The following FLG variants were observed in gnomAD, a reference collection of about 807,000 sequenced individuals.
The protein encoded by FLG is epidermal filaggrin.
A neutral mutation model predicts 3.8 loss-of-function variants in FLG; 6 were observed. The ratio of observed to expected loss-of-function variants is 1.60; its 90% CI spans 0.87 to 3.15. The LOEUF (loss-of-function observed/expected upper bound fraction) is 3.15, where lower values mean the gene tolerates loss of function less well. Among genes scored for constraint, FLG ranks in the 30% most tolerant of loss-of-function variants. The pLI is 0.00. For synonymous variants in FLG, 2,551 were observed against 1,931.6 expected, an observed-to-expected ratio of 1.32 and a Z score of -8.41; for missense variants, 7,595 against 5,050.9, an observed-to-expected ratio of 1.50 and a Z score of -15.27.
intron 1 of FLG, among the ~76,000 whole-genome samples, chr1:152,317,713 C>T (rs1652833578): frequency 6.6e-6 from 1 of 152,000 alleles, no homozygotes; most frequent in Admixed American, 6.6e-5. Context: ...CAAGTTTATA[C>T]CCCCAGTCAC....
At position 152,314,419 on chromosome 1, in the gene FLG, G is replaced by C. The variant is rs1381784852; in HGVS notation, c.467C>G (p.Ser156Cys). 6.8e-6 allele frequency: 11 copies of C among 1,611,938 alleles called. No homozygotes were observed. Among genetic ancestry groups the C allele is most frequent in the Non-Finnish European group, 9.3e-6 (11 of 1,179,592 alleles). ...ETGGKRHESS[S>C]EKKERKGYSP... is the part of the protein sequence containing the mutation. ...ATATCCTTTTCTTTCTTTTTTTTCA[G>C]AACTAGATTCATGCCTTTTCCCCCC... The change falls in exon 3 of 3, where the codon TCT becomes TGT. Residue 156 changes from serine to cysteine, a missense_variant. Physicochemically the swap from Ser to Cys is moderately radical, Grantham distance 112. Transcript: ENST00000368799.
rs543581931 is a variant in FLG, at chr1:152,308,959, T to A, written c.5927A>T (p.Gln1976Leu). 6.2e-7 allele frequency: 1 copy of A among 1,614,204 alleles called. No individual in the cohort carries two copies. Among genetic ancestry groups the A allele is most frequent in the Admixed American group, 1.7e-5 (1 of 60,024 alleles). The change falls in exon 3 of 3, where the codon CAA becomes CTA. Residue 1976 changes from glutamine to leucine, a missense_variant. Physicochemically the swap from Gln to Leu is moderately radical, Grantham distance 113. Coordinates refer to ENST00000368799, the MANE Select transcript of FLG (RefSeq NM_002016.2). ...AGACTCTGTGTGACGAGTGCCTGAT[T>A]GTCTGGAGCTGTCTGCAGAGTGCCC... is the stretch of plus-strand genomic sequence containing the variant. ...GHGHSADSSR[Q>L]SGTRHTESSS...
intron 1 of FLG, among the ~76,000 whole-genome samples, chr1:152,322,555 G>C (rs1452515263): frequency 1.3e-5 from 2 of 150,804 alleles, no homozygotes; most frequent in Non-Finnish European, 3.0e-5. Flanking sequence ...TCTAATTAAA[G>C]ATATGAAATG....
In FLG at chr1:152,314,004, T is replaced by A; in HGVS notation, c.882A>T (p.Gly294=). The A allele has an allele frequency of 6.2e-7, 1 of 1,614,196 alleles. No homozygotes were observed. Among genetic ancestry groups the A allele is most frequent in the Non-Finnish European group, 8.5e-7 (1 of 1,180,034 alleles). ...TGTCCCTGTCCTGGCTAACTCTGGA[T>A]CCCCTACGCTTTCTTGTCCTGGACT... is the stretch of plus-strand genomic sequence containing the variant. ...LQESRTRKRR[G]SRVSQDRDSE... The change falls in exon 3 of 3, where the codon GGA becomes GGT. Residue 294 remains glycine, a synonymous_variant. Coordinates refer to ENST00000368799, the MANE Select transcript of FLG (RefSeq NM_002016.2).
At position 152,311,071 on chromosome 1, in the gene FLG, T is replaced by G. The variant is rs1652381735; in HGVS notation, c.3815A>C (p.Gln1272Pro). Residue 1272 changes from glutamine to proline, a missense_variant, in exon 3 of 3, where the codon CAG becomes CCG. By Grantham distance (76) the Gln-to-Pro change is moderately conservative. Transcript: ENST00000368799. The part of the protein sequence containing the change: ...TSRHQGSSVS[Q>P]DSDSERHSDD... ...TGAGTGTCTCTCACTGTCACTGTCC[T>G]GGCTAACACTGGATCCCTGGTGCCT... 6.2e-7 allele frequency: 1 copy of G among 1,613,838 alleles called. No individual in the cohort carries two copies. The highest frequency in any genetic ancestry group is 1.7e-5 in the Admixed American group (1 of 59,988).
chr1:152,316,473 G>A (rs1206078625), intron 1 of FLG, among the ~76,000 whole-genome samples: 1 of 151,682 alleles, frequency 6.6e-6, no homozygotes, highest in East Asian at 1.9e-4. Context: ...TAAACAGAAA[G>A]CATAAAATAA....
In FLG at chr1:152,304,651, C is replaced by A. The variant is rs934375152; in HGVS notation, c.10235G>T (p.Gly3412Val). ...GTCTCGTGCCTGCTCGTGGTGGGAT[C>A]CTTGTCTTCGTCCAGTGCTGGTCCT... is the stretch of plus-strand genomic sequence containing the variant. ...RTRTSTGRRQ[G>V]SHHEQARDSS... Residue 3412 changes from glycine (G) to valine (V), a missense_variant, in exon 3 of 3, where the codon GGA (glycine) becomes GTA (valine). Gly to Val is a moderately radical substitution (Grantham distance 109). Coordinates refer to ENST00000368799, the MANE Select transcript of FLG (RefSeq NM_002016.2). The A allele has an allele frequency of 5.6e-6, 9 of 1,611,880 alleles. 1 individual carries two copies. The Admixed American group carries it at 8.4e-5, about 15-fold the overall frequency.
At position 152,302,497 on chromosome 1, in the gene FLG, C is replaced by A; in HGVS notation, c.*203G>T. On this transcript the variant is annotated 3_prime_UTR_variant, in exon 3 of 3. Coordinates refer to ENST00000368799, the MANE Select transcript of FLG (RefSeq NM_002016.2). ...AGCTCTCCATGATATTGATTTCTTC[C>A]ATTTAATATTTCTGAAATATAGCGT... The A allele has an allele frequency of 3.0e-6, 2 of 656,514 alleles. No homozygotes were observed. Among genetic ancestry groups the A allele is most frequent in the Non-Finnish European group, 5.0e-6 (2 of 397,634 alleles). The allele number at this position is 656,514 out of a possible 1,614,324, so 40.7% of individuals were successfully genotyped here.
In FLG at chr1:152,312,454, C is replaced by G. The variant is rs375030560; in HGVS notation, c.2432G>C (p.Gly811Ala). ...TCCTTGTCTTACTCCAGTGCTGGGCCCTGTCCATCCATGGGAGGACTCAGA... is the reference window on the plus strand; with the variant it reads ...TCCTTGTCTTACTCCAGTGCTGGGCGCTGTCCATCCATGGGAGGACTCAGA... ...KQSESSHGWT[G>A]PSTGVRQGSH... is the part of the protein sequence containing the mutation. The change falls in exon 3 of 3, where the codon GGG (glycine) becomes GCG (alanine). Residue 811 changes from glycine to alanine, a missense_variant. Physicochemically the swap from Gly to Ala is moderately conservative, Grantham distance 60 (BLOSUM62 0). Transcript: ENST00000368799. 1.2e-6 allele frequency: 2 copies of G among 1,613,454 alleles called. No homozygotes were observed. Among genetic ancestry groups the G allele is most frequent in the African/African-American group, 2.7e-5 (2 of 74,682 alleles).
At position 152,321,328 on chromosome 1, in the gene FLG, TAA is replaced by T. The variant is rs370881414; in HGVS notation, c.-22+3859_-22+3860del. 4.2e-3 allele frequency among the ~76,000 whole-genome samples: 628 copies of T among 150,820 alleles called. 3 individuals are homozygous for T. The highest frequency in any genetic ancestry group is 0.024 in the Middle Eastern group (7 of 294). ...TAAGAAAGTATAATGAAGGAAATAA[TAA>T]AGATAACTAAAATTAATAAAAGAGA... On this transcript the variant is annotated intron_variant, in intron 1 of 2. Transcript: ENST00000368799.
intron 1 of FLG, among the ~76,000 whole-genome samples, chr1:152,319,029 C>A (rs778694215): frequency 4.0e-5 from 6 of 151,510 alleles, no homozygotes; most frequent in Admixed American, 3.3e-4. Context: ...TGCAAAGATT[C>A]CAAGATGAAA....
In FLG at chr1:152,307,037, C is replaced by T; in HGVS notation, c.7849G>A (p.Gly2617Arg). ...RSHQEDRAGH[G>R]HSADSSRQSG... ...TGTCTGGAGCTGTCTGCAGAGTGCCCATGACCAGCTCTGTCTTCTTGATGG... is the reference window on the plus strand; with the variant it reads ...TGTCTGGAGCTGTCTGCAGAGTGCCTATGACCAGCTCTGTCTTCTTGATGG... The change falls in exon 3 of 3, where the codon GGG becomes AGG. Residue 2617 changes from glycine to arginine, a missense_variant. Physicochemically the swap from Gly to Arg is moderately radical, Grantham distance 125 (BLOSUM62 -2). Transcript: ENST00000368799. The T allele has an allele frequency of 6.2e-7, 1 of 1,604,314 alleles. No homozygotes were observed. Among genetic ancestry groups the T allele is most frequent in the Non-Finnish European group, 8.5e-7 (1 of 1,178,290 alleles).
chr1:152,308,267 C>A lies in FLG; in HGVS notation c.6619G>T (p.Gly2207Trp). Residue 2207 changes from glycine (G) to tryptophan (W), a missense_variant, in exon 3 of 3, where the codon GGG (glycine) becomes TGG (tryptophan). Transcript: ENST00000368799. ...GAGGAAGCTTCATGATGATGCGACC[C>A]TGAGTGCCTAGAGCCATCTCCTGAT... is the stretch of plus-strand genomic sequence containing the variant. ...EQSGDGSRHS[G>W]SHHHEASSWA... 1.2e-6 allele frequency: 2 copies of A among 1,613,088 alleles called. No homozygotes were observed. The highest frequency in any genetic ancestry group is 1.1e-5 in the South Asian group (1 of 91,040).
In FLG at chr1:152,311,534, T is replaced by G. The variant is rs151140943; in HGVS notation, c.3352A>C (p.Ile1118Leu). The G allele has an allele frequency of 6.3e-4, 1,013 of 1,613,568 alleles. 2 individuals are homozygous for G. The highest frequency in any genetic ancestry group is 1.2e-3 in the East Asian group (54 of 44,794). The change falls in exon 3 of 3, where the codon ATC (isoleucine) becomes CTC (leucine). Residue 1118 changes from isoleucine (I) to leucine (L), a missense_variant. Transcript: ENST00000368799. ...GGRSGRSGSF[I>L]YQVSTHEQSE... is the part of the protein sequence containing the mutation. The stretch of plus-strand genomic sequence containing the variant: ...TGTTCATGAGTGCTCACCTGGTAGA[T>G]GAAAGACCCTGAACGTCCAGACCTT...
Position 152,302,622 on chromosome 1 carries a change from G to A in FLG, c.*78C>T. 2 of 1,560,536 alleles carry A rather than the reference G, an allele frequency of 1.3e-6. No homozygotes were observed. The highest frequency in any genetic ancestry group is 1.4e-5 in the African/African-American group (1 of 73,494). On this transcript the variant is annotated 3_prime_UTR_variant, in exon 3 of 3. Coordinates refer to ENST00000368799, the MANE Select transcript of FLG (RefSeq NM_002016.2). ...ACAGGAAAAGATAACTTCCCTGAAA[G>A]TATTATGAAGTTTCTTGATTGAAAG...
intron 1 of FLG, among the ~76,000 whole-genome samples, chr1:152,321,542 A>G (rs1291695377): frequency 1.3e-5 from 2 of 150,374 alleles, no homozygotes; most frequent in Non-Finnish European, 3.0e-5. Context: ...AAAACATTAT[A>G]CCAGCTAATT....
chr1:152,308,950 G>A lies in FLG; in HGVS notation c.5936C>T (p.Thr1979Ile), dbSNP rs770082420. The change falls in exon 3 of 3, where the codon ACT becomes ATT. Residue 1979 changes from threonine to isoleucine, a missense_variant. Transcript: ENST00000368799. Reference sequence around the variant, plus strand: ...ACGAGAGGAAGACTCTGTGTGACGAGTGCCTGATTGTCTGGAGCTGTCTGC... The same window carrying A: ...ACGAGAGGAAGACTCTGTGTGACGAATGCCTGATTGTCTGGAGCTGTCTGC... ...HSADSSRQSG[T>I]RHTESSSRGQ... 6.2e-7 allele frequency: 1 copy of A among 1,614,058 alleles called. No homozygotes were observed. The highest frequency in any genetic ancestry group is 8.5e-7 in the Non-Finnish European group (1 of 1,180,012).
At position 152,314,434 on chromosome 1, in the gene FLG, CT is replaced by C. The variant is rs768243733; in HGVS notation, c.451del (p.Arg151GlyfsTer43). The C allele has an allele frequency of 1.2e-6, 2 of 1,613,414 alleles. No homozygotes were observed. On this transcript the variant is annotated frameshift_variant, in exon 3 of 3. Coordinates refer to ENST00000368799, the MANE Select transcript of FLG (RefSeq NM_002016.2). LOFTEE classifies it low-confidence loss of function (END_TRUNC). ...TTTTTTTTCAGAACTAGATTCATGCCTTTTCCCCCCTGTTTCTCTTGGGCTC... is the reference window on the plus strand; with the variant it reads ...TTTTTTTTCAGAACTAGATTCATGCCTTTCCCCCCTGTTTCTCTTGGGCTC... ...SKSPRETGGK[R>X]HESSSEKKER...
chr1:152,309,684 C>G lies in FLG; in HGVS notation c.5202G>C (p.Val1734=), dbSNP rs1189669276. The G allele has an allele frequency of 1.2e-6, 2 of 1,614,018 alleles. No homozygotes were observed. The highest frequency in any genetic ancestry group is 2.2e-5 in the East Asian group (1 of 44,822). The change falls in exon 3 of 3, where the codon GTG becomes GTC. Residue 1734 remains valine (V), a synonymous_variant. Transcript: ENST00000368799. ...GGGGCCCAGCCTGTCCGTGGGCTGA[C>G]ACTGACTGTGTGTCTGACTCTTCTG... ...GHSEESDTQS[V]SAHGQAGPHQ... is the part of the protein sequence containing the mutation.
Sources: gnomAD v4.1 joint callset for allele counts (sites outside exome capture counted in the v4.1 genomes callset) on GRCh38, gnomAD v4.1.1 for gene constraint, MANE v1.5 for transcripts, NCBI Gene and HGNC (gene_info 2026-07-23, HGNC 2026-07-21) for gene names.